The following INTS6L variants were observed in gnomAD, a reference collection of about 807,000 sequenced individuals.
The protein encoded by INTS6L is integrator complex subunit 6-like.
INTS6L carries 18 observed loss-of-function variants against 64.7 expected under a neutral mutation model. The observed-to-expected ratio is 0.28, with a 90% CI of 0.19 to 0.41. INTS6L has a LOEUF of 0.41. Ranked by LOEUF, INTS6L falls within the 10% of genes least tolerant of loss-of-function variation. The pLI is 1.00. For synonymous variants in INTS6L, 227 were observed against 235.9 expected (o/e 0.96, Z 0.34); for missense variants, 533 against 661.0 (o/e 0.81, Z 2.12).
intron 9 of INTS6L, among the ~76,000 whole-genome samples, chrX:135,557,885 CAT>C (rs2086682633): frequency 8.9e-6 from 1 of 111,888 alleles, no homozygotes; most frequent in African/African-American, 3.2e-5. Context: ...ATTTGCAAAT[CAT>C]ATATCTTATA....
In INTS6L at chrX:135,520,946, C is replaced by T. The variant is rs1556495832; in HGVS notation, c.-47C>T. On this transcript the variant is annotated 5_prime_UTR_variant, in exon 1 of 18. Coordinates refer to ENST00000639893, the MANE Select transcript of INTS6L (RefSeq NM_001351601.3). ...AGGTGGCCGTACGCGGCAGTGAGGGCAAGAGGGCCGGGAGAGTGGGGAGCG... is the reference window on the plus strand; with the variant it reads ...AGGTGGCCGTACGCGGCAGTGAGGGTAAGAGGGCCGGGAGAGTGGGGAGCG... 1.7e-6 allele frequency: 2 copies of T among 1,168,509 alleles called. No homozygotes were observed. The highest frequency in any genetic ancestry group is 2.3e-6 in the Non-Finnish European group (2 of 861,207).
chrX:135,581,564 G>A lies in INTS6L; in HGVS notation c.2625G>A (p.Lys875=). 1 of 1,209,455 alleles carries A rather than the reference G, an allele frequency of 8.3e-7. No homozygotes were observed. The highest frequency in any genetic ancestry group is 1.1e-6 in the Non-Finnish European group (1 of 894,281). The change falls in exon 18 of 18, where the codon AAG becomes AAA. Residue 875 remains lysine (K), a synonymous_variant. Transcript: ENST00000639893. ...GAGTCCTAATTCAGTACCTTGAGAA[G>A]GTACTAGAAAAAATAAATTCCCACC... is the stretch of plus-strand genomic sequence containing the variant. ...KRRVLIQYLE[K]VLEKINSHHL...
chrX:135,573,112 A>G, intron 12 of INTS6L, 79 bp downstream of exon 12: 1 of 878,595 alleles, frequency 1.1e-6, no homozygotes, highest in South Asian at 2.4e-5. Flanking sequence ...TTTAGTTTTG[A>G]AATAATGGAC....
At chrX:135,542,504 A>C (rs1556513228) in intron 2 of INTS6L, among the ~76,000 whole-genome samples, 1 of 109,433 alleles carries the variant, frequency 9.1e-6, no homozygotes, top group African/African-American at 3.3e-5. Context: ...TCTCAAAAAA[A>C]AGGAAAGAAA....
chrX:135,545,302 A>G (rs1279152743), intron 2 of INTS6L, 121 bp from the exon 3 acceptor site: 23 of 898,147 alleles, frequency 2.6e-5, no homozygotes, highest in Non-Finnish European at 3.4e-5. Context: ...AAGATATAGA[A>G]TAGAATTAGG....
chrX:135,556,127 C>A, intron 8 of INTS6L, 41 bp from the exon 9 acceptor site: 8 of 1,116,886 alleles, frequency 7.2e-6, no homozygotes, highest in Non-Finnish European at 9.4e-6. Context: ...GACATAAAAT[C>A]CTTATTGTCA....
intron 9 of INTS6L, among the ~76,000 whole-genome samples, chrX:135,561,486 GTTTTC>G (rs1250406840): frequency 8.9e-6 from 1 of 111,745 alleles, no homozygotes; most frequent in African/African-American, 3.2e-5. Flanking sequence ...TTGGCCTGTA[GTTTTC>G]TTTTTTGTTG....
intron 4 of INTS6L, 109 bp from the exon 5 acceptor site, chrX:135,546,593 A>G (rs1445584805): frequency 6.1e-5 from 62 of 1,020,182 alleles, no homozygotes; most frequent in Non-Finnish European, 8.0e-5. Flanking sequence ...TCCTTGAAAG[A>G]CTGCTTAATT....
intron 6 of INTS6L, among the ~76,000 whole-genome samples, chrX:135,548,460 A>G (rs1405053100): frequency 2.7e-5 from 3 of 111,691 alleles, no homozygotes; most frequent in East Asian, 5.6e-4. Flanking sequence ...ACTGCTAGCA[A>G]TCCAAAATTT....
intron 13 of INTS6L, 47 bp from the exon 14 acceptor site, chrX:135,575,037 A>G (rs782568985): frequency 3.3e-6 from 4 of 1,195,008 alleles, no homozygotes; most frequent in Non-Finnish European, 3.4e-6. Context: ...CGAAAGGACC[A>G]TACGCTTCAG....
intron 9 of INTS6L, among the ~76,000 whole-genome samples, chrX:135,560,194 T>C (rs781955539): frequency 1.4e-4 from 16 of 112,204 alleles, no homozygotes; most frequent in African/African-American, 3.9e-4. Flanking sequence ...GTATTGTATT[T>C]TTGATGTTGG....
intron 9 of INTS6L, among the ~76,000 whole-genome samples, chrX:135,560,363 A>G (rs192848269): frequency 2.9e-4 from 33 of 111,902 alleles, no homozygotes; most frequent in African/African-American, 1.0e-3. Flanking sequence ...AAATAGAGAC[A>G]GTTTTACCTT....
At chrX:135,540,570 T>C (rs188118092) in intron 2 of INTS6L, among the ~76,000 whole-genome samples, 4 of 111,414 alleles carry the variant, frequency 3.6e-5, no homozygotes, top group African/African-American at 1.3e-4. Context: ...AATCATCTTT[T>C]ACTGTCTATC....
At chrX:135,570,613 G>T in intron 11 of INTS6L, 67 bp downstream of exon 11, 1 of 1,095,179 alleles carries the variant, frequency 9.1e-7, no homozygotes, top group Non-Finnish European at 1.2e-6. Flanking sequence ...TTATTCTTTA[G>T]TGTAATTGTA....
Position 135,545,543 on chromosome X carries a change from T to G in INTS6L, c.310T>G (p.Leu104Val). Residue 104 changes from leucine (L) to valine (V), a missense_variant, in exon 3 of 18, where the codon TTA becomes GTA. By Grantham distance (32) the Leu-to-Val change is conservative. Coordinates refer to ENST00000639893, the MANE Select transcript of INTS6L (RefSeq NM_001351601.3). ...SSFDLLNLNR[L>V]ISGIDNYGQG... is the part of the protein sequence containing the mutation. ...ATTTGATTTGTTAAATCTCAATAGATTAATATCTGGAATAGACAATTATGG... is the reference window on the plus strand; with the variant it reads ...ATTTGATTTGTTAAATCTCAATAGAGTAATATCTGGAATAGACAATTATGG... 1 of 1,208,913 alleles carries G rather than the reference T, an allele frequency of 8.3e-7. No homozygotes were observed. Among genetic ancestry groups the G allele is most frequent in the East Asian group, 3.0e-5 (1 of 33,779 alleles).
At chrX:135,531,692 G>T (rs1180388175) in intron 2 of INTS6L, among the ~76,000 whole-genome samples, 1 of 111,674 alleles carries the variant, frequency 9.0e-6, no homozygotes, top group African/African-American at 3.3e-5. Context: ...TTCGAAAAAA[G>T]TTGGTTTTAT....
Position 135,577,421 on chromosome X carries a change from C to T in INTS6L, c.2113C>T (p.His705Tyr). 8.3e-7 allele frequency: 1 copy of T among 1,210,882 alleles called. No homozygotes were observed. Among genetic ancestry groups the T allele is most frequent in the Non-Finnish European group, 1.1e-6 (1 of 894,698 alleles). Residue 705 changes from histidine (H) to tyrosine (Y), a missense_variant, in exon 15 of 18, where the codon CAT becomes TAT. Physicochemically the swap from His to Tyr is moderately conservative, Grantham distance 83. Transcript: ENST00000639893. ...YPNLIKPTLV[H>Y]TDATIIHDGH... ...AAACCTCATAAAACCCACCCTTGTACATACAGGTATAGAGTAGTGGTTGTG... is the reference window on the plus strand; with the variant it reads ...AAACCTCATAAAACCCACCCTTGTATATACAGGTATAGAGTAGTGGTTGTG...
Position 135,549,725 on chromosome X carries a change from C to A in INTS6L, c.826C>A (p.Pro276Thr). 8.3e-7 allele frequency: 1 copy of A among 1,211,846 alleles called. No homozygotes were observed. ...HSCHKLIYVR[P>T]NSKTGVPVGH... ...TTGTCATAAACTCATTTATGTACGACCTAACTCTAAAACTGGTGTTCCTGT... is the reference window on the plus strand; with the variant it reads ...TTGTCATAAACTCATTTATGTACGAACTAACTCTAAAACTGGTGTTCCTGT... Residue 276 changes from proline to threonine, a missense_variant, in exon 7 of 18, where the codon CCT (proline) becomes ACT (threonine). Pro to Thr is a conservative substitution (Grantham distance 38). Coordinates refer to ENST00000639893, the MANE Select transcript of INTS6L (RefSeq NM_001351601.3).
At chrX:135,572,557 T>C in intron 11 of INTS6L, 1 of 259,360 alleles carries the variant, frequency 3.9e-6, no homozygotes, top group Non-Finnish European at 6.8e-6. Flanking sequence ...TTCTTATTCA[T>C]GGTTTTTATT....
Sources: allele counts gnomAD v4.1 joint callset (sites outside exome capture counted in the v4.1 genomes callset), GRCh38; gene constraint gnomAD v4.1.1; transcripts MANE v1.5; gene names NCBI Gene and HGNC (gene_info 2026-07-23, HGNC 2026-07-21).